Variants in SBF2 observed in about 807,000 individuals in gnomAD.
SBF2 encodes myotubularin-related protein 13.
SBF2 carries 112 observed loss-of-function variants against 225.2 expected under a neutral mutation model. The ratio of observed to expected loss-of-function variants is 0.50; its 90% CI spans 0.43 to 0.58. The LOEUF (loss-of-function observed/expected upper bound fraction) is 0.58. Ranked by LOEUF, SBF2 falls within the 20% of genes least tolerant of loss-of-function variation. SBF2 has a pLI of 0.00. For missense variants in SBF2, 1,996 were observed against 2,206.2 expected (o/e 0.90, Z 1.91); for synonymous variants, 763 against 773.3 (o/e 0.99, Z 0.22).
intron 31 of SBF2, chr11:9,808,558 G>A (rs1174168778): frequency 2.4e-6 from 1 of 409,670 alleles, no homozygotes; most frequent in African/African-American, 2.0e-5. Flanking sequence ...TTTCACTCTG[G>A]AGTGAGTTAA....
At chr11:10,059,595 T>C (rs922418683) in intron 2 of SBF2, among the ~76,000 whole-genome samples, 3 of 152,156 alleles carry the variant, frequency 2.0e-5, no homozygotes, top group Admixed American at 1.3e-4. Flanking sequence ...CATCACCATA[T>C]GGCACATACT....
At chr11:9,956,602 T>G (rs1168822534) in intron 16 of SBF2, 1 of 145,036 alleles carries the variant, frequency 6.9e-6, no homozygotes, top group Non-Finnish European at 1.5e-5. Flanking sequence ...TATGTTAGGC[T>G]GATTTATAAG....
At chr11:10,014,229 T>C (rs1254887657) in intron 6 of SBF2, among the ~76,000 whole-genome samples, 4 of 152,180 alleles carry the variant, frequency 2.6e-5, no homozygotes, top group South Asian at 2.1e-4. Context: ...CTTTTGCCTA[T>C]AGATGGAGCT....
chr11:9,980,296 A>AAG (rs1237879124), intron 13 of SBF2, among the ~76,000 whole-genome samples: 2 of 150,186 alleles, frequency 1.3e-5, no homozygotes, highest in Non-Finnish European at 3.0e-5. Context: ...AATTAAAAAA[A>AAG]AAAAAAAAAA....
chr11:10,061,160 C>A (rs1159829129), intron 2 of SBF2, among the ~76,000 whole-genome samples: 1 of 152,158 alleles, frequency 6.6e-6, no homozygotes, highest in African/African-American at 2.4e-5. Flanking sequence ...TATCCCTTCA[C>A]GTTAAGAACT....
chr11:10,265,516 GT>G (rs372448843), intron 1 of SBF2, among the ~76,000 whole-genome samples: 52 of 87,836 alleles, frequency 5.9e-4, no homozygotes, highest in South Asian at 1.9e-3. Flanking sequence ...AGGTGGGGGG[GT>G]ATCAACACAG....
chr11:10,046,512 T>C (rs539158974), intron 2 of SBF2, among the ~76,000 whole-genome samples: 4 of 151,932 alleles, frequency 2.6e-5, no homozygotes, highest in Non-Finnish European at 5.9e-5. Flanking sequence ...AGAATAATAA[T>C]CATGTGATCA....
At chr11:9,959,569 G>A in intron 16 of SBF2, 2 of 772,026 alleles carry the variant, frequency 2.6e-6, no homozygotes, top group Non-Finnish European at 4.8e-6. Context: ...CATGGCAGCA[G>A]GCATGAGATA....
At chr11:9,995,771 T>C (rs918891774) in intron 9 of SBF2, among the ~76,000 whole-genome samples, 14 of 151,308 alleles carry the variant, frequency 9.3e-5, no homozygotes, top group Non-Finnish European at 1.6e-4. Flanking sequence ...CTGTCTCACC[T>C]CCTGAGTAGC....
intron 1 of SBF2, among the ~76,000 whole-genome samples, chr11:10,285,899 C>CA (rs1353322729): frequency 5.6e-4 from 85 of 152,214 alleles, no homozygotes; most frequent in African/African-American, 2.0e-3. Flanking sequence ...AGACACTTTA[C>CA]AAAAAAATAC....
rs1947333894 is a variant in SBF2, at chr11:9,989,472, T to A, written c.1395+25A>T. The A allele has an allele frequency of 3.0e-6, 4 of 1,346,914 alleles. No homozygotes were observed. In the Admixed American group the frequency reaches 6.9e-5, roughly 23 times the overall value. The allele number at this position is 1,346,914 out of a possible 1,614,324, so 83.4% of individuals were successfully genotyped here. A position where few individuals can be genotyped will look rare whatever the true frequency, so the allele number is the denominator to read the frequency against. On this transcript the variant is annotated intron_variant, in intron 13 of 39. Coordinates refer to ENST00000256190, the MANE Select transcript of SBF2 (RefSeq NM_030962.4). The stretch of plus-strand genomic sequence containing the variant: ...TAAATAAATAAATAAAATTAATGAC[T>A]GTCTAAATAAATATACTTACTTACA...
intron 2 of SBF2, among the ~76,000 whole-genome samples, chr11:10,166,961 CCACACACA>C (rs373552790): frequency 1.6e-5 from 2 of 125,904 alleles, no homozygotes; most frequent in Admixed American, 1.7e-4. Flanking sequence ...GACTCTGTCT[CCACACACA>C]CACACACACA....
At chr11:10,301,344 CAG>C (rs1964597854) in intron 1 of SBF2, among the ~76,000 whole-genome samples, 1 of 152,138 alleles carries the variant, frequency 6.6e-6, no homozygotes, top group South Asian at 2.1e-4. Flanking sequence ...TTAGAGAAGT[CAG>C]AGATCCCAAA....
chr11:9,983,481 T>C (rs1235791393), intron 13 of SBF2, among the ~76,000 whole-genome samples: 3 of 152,056 alleles, frequency 2.0e-5, no homozygotes, highest in Non-Finnish European at 4.4e-5. Context: ...AACCTGATGG[T>C]CCTTCCCTAT....
chr11:10,044,319 C>T (rs376017732), intron 2 of SBF2, among the ~76,000 whole-genome samples: 6 of 150,922 alleles, frequency 4.0e-5, no homozygotes, highest in African/African-American at 7.3e-5. Flanking sequence ...TTGTTCTGGG[C>T]GGGAGACCCG....
At chr11:9,908,353 C>G (rs527666884) in intron 16 of SBF2, among the ~76,000 whole-genome samples, 89 of 152,260 alleles carry the variant, frequency 5.8e-4, no homozygotes, top group African/African-American at 2.1e-3. Flanking sequence ...GGGCTTGGTG[C>G]GGTGGCTCAC....
At chr11:9,801,086 A>ATGAT (rs374126032) in intron 32 of SBF2, among the ~76,000 whole-genome samples, 11 of 152,336 alleles carry the variant, frequency 7.2e-5, no homozygotes, top group African/African-American at 2.2e-4. Context: ...AGAATTGGGA[A>ATGAT]TGATAGGTAT....
intron 13 of SBF2, among the ~76,000 whole-genome samples, chr11:9,983,654 C>G (rs1256551995): frequency 6.6e-6 from 1 of 152,160 alleles, no homozygotes; most frequent in Non-Finnish European, 1.5e-5. Flanking sequence ...ACCACCAAAG[C>G]TAAGGGCCCT....
chr11:9,881,920 T>G (rs1475759761), intron 17 of SBF2, among the ~76,000 whole-genome samples: 1 of 152,090 alleles, frequency 6.6e-6, no homozygotes, highest in Non-Finnish European at 1.5e-5. Flanking sequence ...ACCAGGAGTT[T>G]GAGGCTGCAG....
Sources: gnomAD v4.1 joint callset for allele counts (sites outside exome capture counted in the v4.1 genomes callset) on GRCh38, gnomAD v4.1.1 for gene constraint, MANE v1.5 for transcripts, NCBI Gene and HGNC (gene_info 2026-07-23, HGNC 2026-07-21) for gene names.